Variants in CDK11B observed in about 807,000 individuals in gnomAD.
CDK11B encodes the protein cyclin dependent kinase 11B.
A neutral mutation model predicts 84.0 loss-of-function variants in CDK11B; 37 were observed. That is an observed-to-expected ratio of 0.44 (90% CI 0.34 to 0.58). The LOEUF is 0.58. CDK11B is among the 20% of genes least tolerant of loss of function. CDK11B has a pLI of 0.02. For missense variants in CDK11B, 427 were observed against 834.0 expected, an observed-to-expected ratio of 0.51 and a Z score of 6.01; for synonymous variants, 269 against 309.8, an observed-to-expected ratio of 0.87 and a Z score of 1.38.
intron 5 of CDK11B, chr1:1,646,167 G>T (rs1168030704): frequency 2.3e-6 from 1 of 425,532 alleles, no homozygotes; most frequent in South Asian, 1.7e-5. Context: ...CATACAGTTA[G>T]ATCTTGTTTT....
chr1:1,658,934 C>T lies in CDK11B; in HGVS notation c.-34G>A. ...CTCACCCCTACGCCGCCGCCGCTGCCGCCGCCGCCGCCGCCGGTCCCGGAG... is the reference window on the plus strand; with the variant it reads ...CTCACCCCTACGCCGCCGCCGCTGCTGCCGCCGCCGCCGCCGGTCCCGGAG... On this transcript the variant is annotated 5_prime_UTR_variant, in exon 1 of 20. Coordinates refer to ENST00000341832, the MANE Select transcript of CDK11B (RefSeq NM_033486.3). The T allele has an allele frequency of 1.6e-5, 3 of 185,892 alleles. No individual in the cohort carries two copies. Among genetic ancestry groups the T allele is most frequent in the Non-Finnish European group, 3.4e-5 (3 of 89,304 alleles). 11.5% of individuals were successfully genotyped at this position (185,892 alleles called of 1,614,324 possible).
intron 4 of CDK11B, among the ~76,000 whole-genome samples, chr1:1,650,088 G>A (rs1160090060): frequency 9.9e-5 from 15 of 151,102 alleles, no homozygotes; most frequent in Middle Eastern, 6.8e-3. Context: ...GGCTAACACG[G>A]TGAAACCCCA....
In CDK11B at chr1:1,640,363, T is replaced by A. The variant is rs768985113; in HGVS notation, c.1165A>T (p.Thr389Ser). The A allele has an allele frequency of 6.2e-7, 1 of 1,613,704 alleles. No homozygotes were observed. Among genetic ancestry groups the A allele is most frequent in the Non-Finnish European group, 8.5e-7 (1 of 1,179,668 alleles). ...GEGTPQSSAL[T>S]EGDYVPDSPA... is the part of the protein sequence containing the mutation. ...GAGTCGGGCACATAGTCGCCCTCTGTCAGGGCGCTGCTCTGCGGCGTTCCC... is the reference window on the plus strand; with the variant it reads ...GAGTCGGGCACATAGTCGCCCTCTGACAGGGCGCTGCTCTGCGGCGTTCCC... The change falls in exon 11 of 20, where the codon ACA becomes TCA. Residue 389 changes from threonine to serine, a missense_variant. Around this residue, in one of 12 missense-constraint regions of CDK11B, gnomAD observed 43 missense variants for 61.8 expected, o/e 0.70. Coordinates refer to ENST00000341832, the MANE Select transcript of CDK11B (RefSeq NM_033486.3).
At chr1:1,651,379 G>A (rs1163031544) in intron 4 of CDK11B, among the ~76,000 whole-genome samples, 8 of 151,828 alleles carry the variant, frequency 5.3e-5, no homozygotes, top group East Asian at 3.9e-4. Context: ...TCTGGTTTTC[G>A]GTCTGTGATA....
Position 1,652,549 on chromosome 1 carries a change from G to C in CDK11B, c.245C>G (p.Ser82Cys). The C allele has an allele frequency of 6.8e-7, 1 of 1,478,846 alleles. No homozygotes were observed. The highest frequency in any genetic ancestry group is 1.5e-5 in the South Asian group (1 of 65,566). 91.6% of individuals were successfully genotyped at this position (1,478,846 alleles called of 1,614,324 possible). A position where few individuals can be genotyped will look rare whatever the true frequency, so the allele number is the denominator to read the frequency against. Residue 82 changes from serine to cysteine, a missense_variant, in exon 4 of 20, where the codon TCT becomes TGT. Ser to Cys is a moderately radical substitution (Grantham distance 112). This residue lies in a region of CDK11B where 57 missense variants were observed against 62.2 expected (regional missense o/e 0.92). Transcript: ENST00000341832. ...SMEDRGEEDDSLAIKPPQQMS... is the reference protein window; with the variant it reads ...SMEDRGEEDDCLAIKPPQQMS... ...TTGCTGGGGTGGTTTGATGGCCAAA[G>C]AATCATCTTCTTCTCCTCTGAAATA...
At chr1:1,646,487 A>G (rs374815620) in intron 5 of CDK11B, 13 of 519,880 alleles carry the variant, frequency 2.5e-5, no homozygotes, top group Admixed American at 5.8e-5. Context: ...CAGTCCATTT[A>G]TGCCACATAC....
intron 7 of CDK11B, 148 bp downstream of exon 7, chr1:1,642,237 CG>C (rs1640428697): frequency 1.9e-6 from 1 of 530,378 alleles, no homozygotes. Flanking sequence ...TCTCACGACA[CG>C]AGAGGACTTC....
At chr1:1,646,739 G>T (rs760688096) in intron 5 of CDK11B, 1 of 520,040 alleles carries the variant, frequency 1.9e-6, no homozygotes, top group East Asian at 5.4e-5. Flanking sequence ...GCTTCTCAGG[G>T]AATGTCGTTC....
intron 14 of CDK11B, 53 bp downstream of exon 14, chr1:1,637,355 C>T (rs1388513794): frequency 4.4e-6 from 7 of 1,592,560 alleles, no homozygotes; most frequent in Non-Finnish European, 6.0e-6. Flanking sequence ...GCGGGGGTGA[C>T]CAGGACCCTG....
chr1:1,639,157 T>A (rs1364416677), intron 11 of CDK11B, among the ~76,000 whole-genome samples: 1 of 151,528 alleles, frequency 6.6e-6, no homozygotes, highest in Non-Finnish European at 1.5e-5. Context: ...GCCAGGCTGG[T>A]CTCGAACTCC....
intron 3 of CDK11B, among the ~76,000 whole-genome samples, chr1:1,654,861 T>A (rs1642520941): frequency 6.6e-6 from 1 of 151,742 alleles, no homozygotes; most frequent in South Asian, 2.1e-4. Flanking sequence ...GGTTTCACTG[T>A]GTTAGCCAGG....
intron 11 of CDK11B, among the ~76,000 whole-genome samples, chr1:1,638,925 ACT>A (rs1426290398): frequency 7.1e-5 from 10 of 141,038 alleles, no homozygotes; most frequent in African/African-American, 1.6e-4. Flanking sequence ...ACATAGCAAC[ACT>A]CTGTTTTCTA....
In CDK11B at chr1:1,636,952, G is replaced by A. The variant is rs755056478; in HGVS notation, c.1745C>T (p.Thr582Ile). Residue 582 changes from threonine to isoleucine, a missense_variant, in exon 16 of 20, where the codon ACC becomes ATC. Thr to Ile is a moderately conservative substitution (Grantham distance 89). Coordinates refer to ENST00000341832, the MANE Select transcript of CDK11B (RefSeq NM_033486.3). ...REYGSPLKAY[T>I]PVVVTLWYRA... Reference sequence around the variant, plus strand: ...GTACCACAGGGTCACCACGACCGGGGTGTAGGCCTTCAGAGGGGATCCGTA... The same window carrying A: ...GTACCACAGGGTCACCACGACCGGGATGTAGGCCTTCAGAGGGGATCCGTA... 2 of 1,609,690 alleles carry A rather than the reference G, an allele frequency of 1.2e-6. No homozygotes were observed. Among genetic ancestry groups the A allele is most frequent in the South Asian group, 1.1e-5 (1 of 90,734 alleles).
At chr1:1,637,947 C>T (rs1028726868) in intron 12 of CDK11B, 64 bp from the exon 13 acceptor site, 95 of 1,602,216 alleles carry the variant, frequency 5.9e-5, no homozygotes, top group Middle Eastern at 1.7e-4. Context: ...ACAGTGGACT[C>T]GTTCAGTGAG....
intron 4 of CDK11B, among the ~76,000 whole-genome samples, chr1:1,650,485 C>T (rs1232496980): frequency 6.7e-6 from 1 of 149,514 alleles, no homozygotes; most frequent in Non-Finnish European, 1.5e-5. Context: ...CCTGCCTCAG[C>T]CTCCCGAGTA....
At chr1:1,649,406 G>A in intron 5 of CDK11B, 93 bp downstream of exon 5, 2 of 995,786 alleles carry the variant, frequency 2.0e-6, no homozygotes, top group South Asian at 1.4e-5. Flanking sequence ...TGGCTCAGAT[G>A]TGACTTCTAT....
chr1:1,654,205 A>G, intron 3 of CDK11B: 2 of 454,130 alleles, frequency 4.4e-6, no homozygotes, highest in Non-Finnish European at 8.8e-6. Flanking sequence ...GCTAGATATG[A>G]GAAGAAAACA....
In CDK11B at chr1:1,657,594, T is replaced by C. The variant is rs554104955; in HGVS notation, c.-13-96A>G. On this transcript the variant is annotated intron_variant, in intron 1 of 19. Transcript: ENST00000341832. The stretch of plus-strand genomic sequence containing the variant: ...TCACTTTTGAGGGATTCAGAATAAA[T>C]CCTCATTAAGAATAAGAAGTTGTGC... 2.1e-3 allele frequency: 1,959 copies of C among 931,894 alleles called. 7 individuals are homozygous for C. In the African/African-American group the frequency reaches 0.032, roughly 15 times the overall value. 57.7% of individuals were successfully genotyped at this position (931,894 alleles called of 1,614,324 possible).
intron 2 of CDK11B, among the ~76,000 whole-genome samples, 162 bp from the exon 3 acceptor site, chr1:1,655,646 G>A (rs202071618): frequency 1.3e-5 from 2 of 151,952 alleles, no homozygotes; most frequent in African/African-American, 2.4e-5. Context: ...ACTTTTGGCC[G>A]GGTGTGGTGG....
Sources: allele counts gnomAD v4.1 joint callset (sites outside exome capture counted in the v4.1 genomes callset), GRCh38; gene constraint gnomAD v4.1.1; regional missense constraint gnomAD v4.1.1; transcripts MANE v1.5; gene names NCBI Gene and HGNC (gene_info 2026-07-23, HGNC 2026-07-21).